The following SYNE2 variants were observed in gnomAD, a reference collection of about 807,000 sequenced individuals.
SYNE2 encodes the protein spectrin repeat containing nuclear envelope protein 2, also known as nesprin-2.
In SYNE2, 431 loss-of-function variants were observed where a neutral mutation model predicts 856.3. The observed-to-expected ratio is 0.50, with a 90% CI of 0.47 to 0.55. The LOEUF (loss-of-function observed/expected upper bound fraction) is 0.55. SYNE2 is among the 20% of genes least tolerant of loss of function. The probability of loss-of-function intolerance (pLI) is 0.00; values close to 1 mark genes in which losing one functional copy is unlikely to be tolerated. For synonymous variants in SYNE2, 2,923 were observed against 2,872.3 expected, an observed-to-expected ratio of 1.02 and a Z score of -0.56; for missense variants, 8,129 against 8,023.2, an observed-to-expected ratio of 1.01 and a Z score of -0.50.
At chr14:64,045,776 T>G (rs2097181911) in intron 45 of SYNE2, among the ~76,000 whole-genome samples, 1 of 152,230 alleles carries the variant, frequency 6.6e-6, no homozygotes, top group African/African-American at 2.4e-5. Flanking sequence ...GACAGTTGAA[T>G]TCTCTTTCCA....
At position 64,219,194 on chromosome 14, in the gene SYNE2, T is replaced by G; in HGVS notation, c.19658-14T>G. On this transcript the variant is annotated splice_polypyrimidine_tract_variant and intron_variant, in intron 109 of 115. Coordinates refer to ENST00000555002, the MANE Select transcript of SYNE2 (RefSeq NM_182914.3). ...CATTATTGCTTTTTTTAATTGGCGA[T>G]TTTTTAATTCCAGGTGCCTTCGACA... The G allele has an allele frequency of 6.2e-7, 1 of 1,613,142 alleles. No homozygotes were observed. Among genetic ancestry groups the G allele is most frequent in the Non-Finnish European group, 8.5e-7 (1 of 1,179,788 alleles).
intron 66 of SYNE2, among the ~76,000 whole-genome samples, chr14:64,115,480 C>T (rs898440435): frequency 2.6e-5 from 4 of 152,018 alleles, no homozygotes; most frequent in African/African-American, 7.2e-5. Flanking sequence ...GGTCAGAGAG[C>T]GCCGAAGGGC....
At position 63,990,445 on chromosome 14, in the gene SYNE2, T is replaced by C. The variant is rs755334815; in HGVS notation, c.2348T>C (p.Leu783Pro). The change falls in exon 20 of 116, where the codon CTT (leucine) becomes CCT (proline). Residue 783 changes from leucine (L) to proline (P), a missense_variant. Transcript: ENST00000555002. ...GCCAAAGGCTCTATGTTTGATGAGCTTATGGCAAGAAGTGAAGATATGTTA... is the reference window on the plus strand; with the variant it reads ...GCCAAAGGCTCTATGTTTGATGAGCCTATGGCAAGAAGTGAAGATATGTTA... ...LIAKGSMFDELMARSEDMLQM... is the reference protein window; with the variant it reads ...LIAKGSMFDEPMARSEDMLQM... 1.2e-5 allele frequency: 19 copies of C among 1,613,410 alleles called. No individual in the cohort carries two copies. Among genetic ancestry groups the C allele is most frequent in the Middle Eastern group, 1.8e-4 (1 of 5,660 alleles).
chr14:64,080,424 C>T, intron 55 of SYNE2, 32 bp from the exon 56 acceptor site: 10 of 1,611,318 alleles, frequency 6.2e-6, no homozygotes, highest in Non-Finnish European at 8.5e-6. Flanking sequence ...ATGACCTCTT[C>T]ATTCAAGTTG....
chr14:64,099,780 G>A (rs1005952346), intron 63 of SYNE2: 30 of 151,488 alleles, frequency 2.0e-4, no homozygotes, highest in Admixed American at 1.9e-3. Flanking sequence ...TTAAGTTTTA[G>A]GGTACATGTG....
chr14:64,032,242 A>G (rs2097044928), intron 45 of SYNE2, among the ~76,000 whole-genome samples: 1 of 152,216 alleles, frequency 6.6e-6, no homozygotes, highest in Non-Finnish European at 1.5e-5. Flanking sequence ...CTGTGAGGAA[A>G]GGTTTTTAAA....
In SYNE2 at chr14:63,763,779, C is replaced by T. The variant is rs192367540; in HGVS notation, c.-305+1793C>T. Reference sequence around the variant, plus strand: ...TCCCAGGCTCAAGTAATTCTCCCACCTCTGCCTCCCCAGTAGCTGGAACCA... The same window carrying T: ...TCCCAGGCTCAAGTAATTCTCCCACTTCTGCCTCCCCAGTAGCTGGAACCA... On this transcript the variant is annotated intron_variant, in intron 1 of 23. Coordinates refer to the SYNE2 transcript ENST00000674003. Among the ~76,000 whole-genome samples the T allele has an allele frequency of 1.5e-3, 234 of 152,298 alleles. 2 individuals carry two copies. Among genetic ancestry groups the T allele is most frequent in the Middle Eastern group, 6.8e-3 (2 of 294 alleles).
In SYNE2 at chr14:63,950,052, T is replaced by A. The variant is rs1370505019; in HGVS notation, c.590+46T>A. The A allele has an allele frequency of 2.5e-6, 4 of 1,598,414 alleles. No individual in the cohort carries two copies. In the Admixed American group the frequency reaches 6.7e-5, roughly 27 times the overall value. ...CTAAGAGACACACAGGGCAGCTGTATCAACCAACACCACCTCACCACCCAA... is the reference window on the plus strand; with the variant it reads ...CTAAGAGACACACAGGGCAGCTGTAACAACCAACACCACCTCACCACCCAA... On this transcript the variant is annotated intron_variant, in intron 7 of 115. Transcript: ENST00000555002.
chr14:63,845,897 T>A (rs1231966323), intron 1 of SYNE2, among the ~76,000 whole-genome samples: 1 of 151,866 alleles, frequency 6.6e-6, no homozygotes, highest in African/African-American at 2.4e-5. Flanking sequence ...TGCACCACCA[T>A]GCCCAGCTAG....
chr14:64,095,369 A>G (rs191358552), intron 61 of SYNE2, among the ~76,000 whole-genome samples: 6 of 152,356 alleles, frequency 3.9e-5, no homozygotes, highest in Admixed American at 2.6e-4. Context: ...ACGTTTTTAC[A>G]TTAAAATTTA....
chr14:63,890,293 G>A (rs1432622496), intron 1 of SYNE2, among the ~76,000 whole-genome samples: 2 of 151,912 alleles, frequency 1.3e-5, no homozygotes, highest in African/African-American at 4.8e-5. Flanking sequence ...GAACTCCTGA[G>A]CTCAAGTGAT....
At chr14:64,097,799 G>T in intron 61 of SYNE2, 150 bp from the exon 62 acceptor site, 1 of 754,712 alleles carries the variant, frequency 1.3e-6, no homozygotes, top group Non-Finnish European at 2.3e-6. Context: ...AGGATGGAAA[G>T]GAGCTATACC....
chr14:64,221,467 C>A (rs2098693668), intron 111 of SYNE2, 109 bp from the exon 112 acceptor site: 1 of 1,604,914 alleles, frequency 6.2e-7, no homozygotes, highest in Non-Finnish European at 8.5e-7. Flanking sequence ...GTGGGTAAGG[C>A]CAGAAAAGCA....
chr14:63,999,115 C>T (rs1196693403), intron 27 of SYNE2, 75 bp downstream of exon 27: 18 of 1,447,930 alleles, frequency 1.2e-5, no homozygotes, highest in Non-Finnish European at 1.7e-5. Flanking sequence ...CTGGACATCC[C>T]CTTTTCTGTT....
At chr14:63,926,751 G>T (rs2095671033) in intron 2 of SYNE2, among the ~76,000 whole-genome samples, 1 of 152,180 alleles carries the variant, frequency 6.6e-6, no homozygotes, top group African/African-American at 2.4e-5. Flanking sequence ...AGATAAGGGG[G>T]TCCCACACAA....
intron 10 of SYNE2, among the ~76,000 whole-genome samples, chr14:63,964,794 G>A (rs527896382): frequency 6.6e-6 from 1 of 152,174 alleles, no homozygotes; most frequent in African/African-American, 2.4e-5. Context: ...AAAGTGCTGG[G>A]ATTACAGGCG....
chr14:64,086,813 G>A (rs749149976), intron 57 of SYNE2, among the ~76,000 whole-genome samples: 2 of 141,754 alleles, frequency 1.4e-5, no homozygotes, highest in African/African-American at 5.2e-5. Flanking sequence ...GGGTTCAAGC[G>A]ATTCTCCTGC....
At chr14:63,942,027 T>C (rs1161660599) in intron 5 of SYNE2, 24 bp from the exon 6 acceptor site, 22 of 1,599,470 alleles carry the variant, frequency 1.4e-5, no homozygotes, top group Non-Finnish European at 1.9e-5. Flanking sequence ...TTCCTCCTTT[T>C]AACCTGCACT....
At chr14:63,887,839 G>A (rs1566716450) in intron 1 of SYNE2, among the ~76,000 whole-genome samples, 4 of 140,214 alleles carry the variant, frequency 2.9e-5, no homozygotes, top group South Asian at 2.3e-4. Context: ...TACAGCTTCC[G>A]CCTCCTGGGT....
Sources: allele counts gnomAD v4.1 joint callset (sites outside exome capture counted in the v4.1 genomes callset), GRCh38; gene constraint gnomAD v4.1.1; transcripts MANE v1.5; gene names NCBI Gene and HGNC (gene_info 2026-07-23, HGNC 2026-07-21).